The following TMEM233 variants were observed in gnomAD, a reference collection of about 807,000 sequenced individuals.
TMEM233 encodes the protein dispanin subfamily B member 2.
Under a neutral mutation model 11.2 loss-of-function variants are expected in TMEM233, and 6 were observed. The observed-to-expected ratio is 0.54, with a 90% CI of 0.29 to 1.06. The LOEUF (loss-of-function observed/expected upper bound fraction) is 1.06. Ranked by LOEUF, TMEM233 falls within the 50% of genes least tolerant of loss-of-function variation. The probability of loss-of-function intolerance (pLI) is 0.08; values close to 1 mark genes in which losing one functional copy is unlikely to be tolerated. For missense variants in TMEM233, 127 were observed against 144.7 expected, an observed-to-expected ratio of 0.88 and a Z score of 0.63; for synonymous variants, 59 against 55.8, an observed-to-expected ratio of 1.06 and a Z score of -0.26.
At position 119,593,873 on chromosome 12, in the gene TMEM233, G is replaced by C; in HGVS notation, c.25G>C (p.Asp9His). ...CATGTCTCAGTACGCCCCTAGCCCG[G>C]ACTTCAAGAGGGCTTTGGACAGCAG... is the stretch of plus-strand genomic sequence containing the variant. The part of the protein sequence containing the change: MSQYAPSP[D>H]FKRALDSSPE... Residue 9 changes from aspartate to histidine, a missense_variant, in exon 1 of 3, where the codon GAC (aspartate) becomes CAC (histidine). Asp to His is a moderately conservative substitution (Grantham distance 81). Transcript: ENST00000426426. This position sits in a 1 kb window ranked among gnomAD's most constrained non-coding sequence, Gnocchi z 4.1. 7 of 1,551,686 alleles carry C rather than the reference G, an allele frequency of 4.5e-6. No homozygotes were observed. The highest frequency in any genetic ancestry group is 6.1e-6 in the Non-Finnish European group (7 of 1,146,968).
rs1485812158 is a variant in TMEM233 at position 119,594,045 on chromosome 12, C to T, written c.186+11C>T. On this transcript the variant is annotated intron_variant, in intron 1 of 2. Transcript: ENST00000426426. This position sits in a 1 kb window ranked among gnomAD's most constrained non-coding sequence, Gnocchi z 5.6. ...GTCTTTTCCATCATGGTGAGTGAATCACGGCCAGAGGCAGCCTGGGAGGAG... is the reference window on the plus strand; with the variant it reads ...GTCTTTTCCATCATGGTGAGTGAATTACGGCCAGAGGCAGCCTGGGAGGAG... The T allele has an allele frequency of 3.9e-6, 6 of 1,551,144 alleles. No homozygotes were observed. The highest frequency in any genetic ancestry group is 5.2e-6 in the Non-Finnish European group (6 of 1,146,654).
rs57936432 is a variant in TMEM233 at position 119,623,553 on chromosome 12, C to CAAAA, written c.187-6169_187-6166dup. ...CAAAACCCCATCTCTACCAAAAATA[C>CAAAA]AAAAAAAAAAAAAAAAATTAGCTGG... On this transcript the variant is annotated intron_variant, in intron 1 of 2. Transcript: ENST00000426426. 6.0e-3 allele frequency among the ~76,000 whole-genome samples: 816 copies of CAAAA among 135,714 alleles called. 8 individuals are homozygous for CAAAA. The highest frequency in any genetic ancestry group is 0.022 in the African/African-American group (774 of 35,992). The allele number at this position is 135,714 out of a possible 152,430, so 89.0% of individuals were successfully genotyped here.
chr12:119,653,967 A>T, the TMEM233 span, among the ~76,000 whole-genome samples: 3 of 66,020 alleles, frequency 4.5e-5, no homozygotes, highest in African/African-American at 6.8e-5. Flanking sequence ...CATATCCAAG[A>T]AGCTAAAAAA....
chr12:119,598,397 C>G (rs1180115999), intron 1 of TMEM233, among the ~76,000 whole-genome samples: 1 of 152,184 alleles, frequency 6.6e-6, no homozygotes, highest in Non-Finnish European at 1.5e-5. Flanking sequence ...ACTGGTCACT[C>G]TAATTATGGA....
At chr12:119,613,062 C>T (rs1954438887) in intron 1 of TMEM233, among the ~76,000 whole-genome samples, 1 of 151,986 alleles carries the variant, frequency 6.6e-6, no homozygotes, top group South Asian at 2.1e-4. Flanking sequence ...CTGCACCCAT[C>T]AACTCATCAT....
At chr12:119,644,715 G>T (rs1288781653), downstream of TMEM233, among the ~76,000 whole-genome samples, 8 of 152,082 alleles carry the variant, frequency 5.3e-5, no homozygotes, top group Admixed American at 5.2e-4. Flanking sequence ...CTGACCTCAG[G>T]TGATCCACCC....
chr12:119,633,185 T>C (rs761418085), intron 2 of TMEM233, among the ~76,000 whole-genome samples: 1 of 152,152 alleles, frequency 6.6e-6, no homozygotes, highest in Non-Finnish European at 1.5e-5. Flanking sequence ...GGGCAAATTA[T>C]TAAACTCTCT....
chr12:119,644,916 G>C (rs1178595282), downstream of TMEM233, among the ~76,000 whole-genome samples: 5 of 152,202 alleles, frequency 3.3e-5, no homozygotes, highest in African/African-American at 4.8e-5. Context: ...AGACCCCTGA[G>C]AAGGTGGCAG....
In TMEM233 at chr12:119,595,212, G is replaced by T. The variant is rs530569777; in HGVS notation, c.186+1178G>T. On this transcript the variant is annotated intron_variant, in intron 1 of 2. Transcript: ENST00000426426. The surrounding 1 kb of genome is among the most constrained non-coding windows in gnomAD (Gnocchi z 4.3). The stretch of plus-strand genomic sequence containing the variant: ...CGGGGGTGGCGGCGGGGTGAGGTTC[G>T]TACCGGCACTGTCCCGGGACAACCC... Among the ~76,000 whole-genome samples the T allele has an allele frequency of 6.6e-6, 1 of 152,222 alleles. No individual in the cohort carries two copies. The highest frequency in any genetic ancestry group is 2.4e-5 in the African/African-American group (1 of 41,454).
chr12:119,642,982 T>C lies in TMEM233; in HGVS notation c.*2277T>C, dbSNP rs1955106720. On this transcript the variant is annotated 3_prime_UTR_variant, in exon 3 of 3. Transcript: ENST00000426426. The stretch of plus-strand genomic sequence containing the variant: ...TCTGTTTCTGACATCCTGTTTTTTG[T>C]TTGTGCGTGTTTGGGTCCCTGGTCT... 6.6e-6 allele frequency: 1 copy of C among 152,224 alleles called. No individual in the cohort carries two copies. The highest frequency in any genetic ancestry group is 1.5e-5 in the Non-Finnish European group (1 of 68,042). The allele number at this position is 152,224 out of a possible 1,614,324, so 9.4% of individuals were successfully genotyped here.
intron 1 of TMEM233, among the ~76,000 whole-genome samples, chr12:119,615,173 TAAAAAAAAAAAAAAAAAAAAAAA>T (rs60318959): frequency 1.8e-5 from 1 of 56,198 alleles, no homozygotes; most frequent in Non-Finnish European, 3.1e-5. Flanking sequence ...CGCTTTCTGC[TAAAAAAAAAAAAAAAAAAAAAAA>T]AAAAAAAAAA....
At chr12:119,630,016 C>A in intron 2 of TMEM233, 144 bp downstream of exon 2, 1 of 1,030,206 alleles carries the variant, frequency 9.7e-7, no homozygotes, top group Non-Finnish European at 1.4e-6. Context: ...ATAAATTTGT[C>A]CCAGTCCAGA....
chr12:119,637,942 G>A (rs1318255710), intron 2 of TMEM233, among the ~76,000 whole-genome samples: 1 of 152,192 alleles, frequency 6.6e-6, no homozygotes, highest in Non-Finnish European at 1.5e-5. Context: ...TATCAAGGTT[G>A]ACCAGGATGT....
intron 1 of TMEM233, among the ~76,000 whole-genome samples, chr12:119,616,788 C>T (rs1054284986): frequency 3.3e-5 from 5 of 152,178 alleles, no homozygotes; most frequent in African/African-American, 1.2e-4. Flanking sequence ...TTCTCCCATG[C>T]TGTTCTTGTG....
At chr12:119,628,063 TG>T (rs1954799375) in intron 1 of TMEM233, among the ~76,000 whole-genome samples, 1 of 152,228 alleles carries the variant, frequency 6.6e-6, no homozygotes. Context: ...ACGCTACCTA[TG>T]GGGTAGCCTT....
At chr12:119,626,694 A>G (rs569294967) in intron 1 of TMEM233, among the ~76,000 whole-genome samples, 1 of 152,312 alleles carries the variant, frequency 6.6e-6, no homozygotes, top group Admixed American at 6.5e-5. Flanking sequence ...TTCTCTTATT[A>G]TTAAAGGGAG....
intron 1 of TMEM233, among the ~76,000 whole-genome samples, chr12:119,616,574 G>A (rs1434199961): frequency 3.3e-5 from 5 of 152,122 alleles, no homozygotes; most frequent in Non-Finnish European, 5.9e-5. Flanking sequence ...GGAAAGGTGC[G>A]ACTTACAAGG....
chr12:119,648,916 C>T, the TMEM233 span, among the ~76,000 whole-genome samples: 1 of 152,158 alleles, frequency 6.6e-6, no homozygotes, highest in Non-Finnish European at 1.5e-5. Context: ...TAAATCCTGT[C>T]TCAAAACTTT....
At chr12:119,636,859 A>C (rs1381085301) in intron 2 of TMEM233, among the ~76,000 whole-genome samples, 1 of 152,196 alleles carries the variant, frequency 6.6e-6, no homozygotes, top group African/African-American at 2.4e-5. Flanking sequence ...AATCAAACTT[A>C]ATCTTGGAAG....
Sources: gnomAD v4.1 joint callset for allele counts (sites outside exome capture counted in the v4.1 genomes callset) on GRCh38, gnomAD v4.1.1 for gene constraint, Gnocchi (gnomAD v3.1) non-coding constraint, MANE v1.5 for transcripts, NCBI Gene and HGNC (gene_info 2026-07-23, HGNC 2026-07-21) for gene names.